Variants in ATP1A2 observed in about 807,000 individuals in gnomAD.
The protein encoded by ATP1A2 is sodium/potassium-transporting ATPase subunit alpha-2.
In ATP1A2, 56 loss-of-function variants were observed where a neutral mutation model predicts 113.1. The observed-to-expected ratio is 0.49, with a 90% confidence interval of 0.40 to 0.62. ATP1A2 has a LOEUF of 0.62. Ranked by LOEUF, ATP1A2 falls within the 20% of genes least tolerant of loss-of-function variation. ATP1A2 has a pLI of 0.00. For missense variants in ATP1A2, 712 were observed against 1,357.8 expected (o/e 0.52, Z 7.47); for synonymous variants, 490 against 526.8 (o/e 0.93, Z 0.96).
chr1:160,141,125 C>T (rs533267555), intron 22 of ATP1A2, among the ~76,000 whole-genome samples, 169 bp from the exon 23 acceptor site: 1 of 152,260 alleles, frequency 6.6e-6, no homozygotes, highest in African/African-American at 2.4e-5. Flanking sequence ...GGATTACAGG[C>T]ATGAGCCACT....
At position 160,116,078 on chromosome 1, in the gene ATP1A2, A is replaced by C. The variant is rs2854244; in HGVS notation, c.12+205A>C. Among the ~76,000 whole-genome samples, 80,762 of 151,424 alleles carry C rather than the reference A, an allele frequency of 0.53. 21,909 individuals are homozygous for C. Among genetic ancestry groups the C allele is most frequent in the Middle Eastern group, 0.67 (196 of 294 alleles). Reference sequence around the variant, plus strand: ...ACCCTAGTGCTCTCCTCTCCTCTGCACGCCCCAGCCCCCTGCCCACAGTTA... The same window carrying C: ...ACCCTAGTGCTCTCCTCTCCTCTGCCCGCCCCAGCCCCCTGCCCACAGTTA... On this transcript the variant is annotated intron_variant, in intron 1 of 22. Coordinates refer to ENST00000361216, the MANE Select transcript of ATP1A2 (RefSeq NM_000702.4).
intron 22 of ATP1A2, 93 bp from the exon 23 acceptor site, chr1:160,141,201 C>T (rs1264078235): frequency 3.3e-6 from 5 of 1,501,248 alleles, no homozygotes; most frequent in Non-Finnish European, 4.6e-6. Context: ...CTTCTCCTTC[C>T]ACCTGGCTTC....
At chr1:160,126,022 G>A (rs1651574740) in intron 7 of ATP1A2, among the ~76,000 whole-genome samples, 1 of 152,102 alleles carries the variant, frequency 6.6e-6, no homozygotes, top group Non-Finnish European at 1.5e-5. Context: ...GGCAAAGGAG[G>A]CCTCATATCC....
At chr1:160,137,161 T>G in intron 20 of ATP1A2, 130 bp downstream of exon 20, 1 of 1,458,546 alleles carries the variant, frequency 6.9e-7, no homozygotes. Context: ...ATCTTCCATC[T>G]GTATATCCAT....
chr1:160,117,294 G>A (rs1651217180), intron 1 of ATP1A2, among the ~76,000 whole-genome samples: 1 of 152,120 alleles, frequency 6.6e-6, no homozygotes, highest in Non-Finnish European at 1.5e-5. Context: ...GAAGAGGCAG[G>A]GGTTAAAGGA....
Position 160,139,643 on chromosome 1 carries a change from C to T in ATP1A2, c.2844C>T (p.Asn948=). ...ACCTCCTTTCTTTGCCTTTCAGGAA[C>T]AAGATCCTGATTTTTGGGCTCCTGG... The part of the protein sequence containing the change: ...RNSVFQQGMK[N]KILIFGLLEE... Residue 948 remains asparagine (N), a synonymous_variant, in exon 21 of 23, where the codon AAC becomes AAT. Transcript: ENST00000361216. 6.2e-7 allele frequency: 1 copy of T among 1,614,094 alleles called. No homozygotes were observed. Among genetic ancestry groups the T allele is most frequent in the South Asian group, 1.1e-5 (1 of 91,084 alleles).
chr1:160,133,808 A>G (rs1293422313), intron 13 of ATP1A2, among the ~76,000 whole-genome samples: 1 of 152,124 alleles, frequency 6.6e-6, no homozygotes, highest in Non-Finnish European at 1.5e-5. Context: ...CTTGAATCCC[A>G]TGAAATCCAA....
At chr1:160,134,228 TC>T (rs1361052003) in intron 13 of ATP1A2, among the ~76,000 whole-genome samples, 31 of 18,066 alleles carry the variant, frequency 1.7e-3, no homozygotes, top group African/African-American at 6.8e-3. Context: ...ACACACACAA[TC>T]CCCACCCACA....
chr1:160,140,922 G>A (rs1045476404), intron 22 of ATP1A2: 3 of 302,168 alleles, frequency 9.9e-6, no homozygotes, highest in Non-Finnish European at 1.9e-5. Context: ...CAGTGCAGTG[G>A]CACGATCTCG....
intron 8 of ATP1A2, among the ~76,000 whole-genome samples, chr1:160,128,122 AC>A (rs1043536748): frequency 1.1e-4 from 16 of 152,150 alleles, no homozygotes; most frequent in African/African-American, 3.4e-4. Flanking sequence ...CTCAAAGGTC[AC>A]CAGTCACTAA....
chr1:160,120,154 C>T (rs1651344957), intron 1 of ATP1A2, among the ~76,000 whole-genome samples: 1 of 152,192 alleles, frequency 6.6e-6, no homozygotes, highest in Non-Finnish European at 1.5e-5. Context: ...GGCTCAGTTC[C>T]CATGTTACCC....
At chr1:160,129,449 T>G (rs1319780223) in intron 11 of ATP1A2, 49 bp downstream of exon 11, 1 of 1,602,894 alleles carries the variant, frequency 6.2e-7, no homozygotes, top group South Asian at 1.1e-5. Context: ...TATAAATGGG[T>G]GAGGGTGGAC....
In ATP1A2 at chr1:160,128,960, T is replaced by TC. The variant is rs1651675685; in HGVS notation, c.1217-15dup. The TC allele has an allele frequency of 6.3e-7, 1 of 1,596,402 alleles. No homozygotes were observed. Among genetic ancestry groups the TC allele is most frequent in the African/African-American group, 1.3e-5 (1 of 74,508 alleles). On this transcript the variant is annotated intron_variant, in intron 9 of 22. Coordinates refer to ENST00000361216, the MANE Select transcript of ATP1A2 (RefSeq NM_000702.4). Reference sequence around the variant, plus strand: ...CTCTAAAGGGAGCCACGCTCCTGGTTCCCCCTCATTTCCTCCCAGGGGCCA... The same window carrying TC: ...CTCTAAAGGGAGCCACGCTCCTGGTTCCCCCCTCATTTCCTCCCAGGGGCCA...
chr1:160,129,410 G>A lies in ATP1A2; in HGVS notation c.1461+10G>A, dbSNP rs1651696376. The A allele has an allele frequency of 1.2e-6, 2 of 1,612,024 alleles. No individual in the cohort carries two copies. The highest frequency in any genetic ancestry group is 1.7e-5 in the Admixed American group (1 of 60,026). ...TACCAACAAGTACCAGGTCTGCTTGGGTTGCCAGGACAGAGGAAGAGAGAG... is the reference window on the plus strand; with the variant it reads ...TACCAACAAGTACCAGGTCTGCTTGAGTTGCCAGGACAGAGGAAGAGAGAG... On this transcript the variant is annotated intron_variant, in intron 11 of 22. Transcript: ENST00000361216.
rs1652121776 is a variant in ATP1A2, at chr1:160,140,823, C to T, written c.3035-471C>T. ...AACCTATGGCCCCAGCTCACTGGAC[C>T]TCCTTCTCCTCCCTTTCACCTTCTT... On this transcript the variant is annotated intron_variant, in intron 22 of 22. Coordinates refer to ENST00000361216, the MANE Select transcript of ATP1A2 (RefSeq NM_000702.4). 2.4e-5 allele frequency: 5 copies of T among 205,556 alleles called. No homozygotes were observed. The South Asian group carries it at 3.4e-4, about 14-fold the overall frequency. 12.7% of individuals were successfully genotyped at this position (205,556 alleles called of 1,614,324 possible).
In ATP1A2 at chr1:160,130,585, C is replaced by A; in HGVS notation, c.1815C>A (p.Ser605Arg). ...AVPDAVGKCR[S>R]AGIKVIMVTG... The stretch of plus-strand genomic sequence containing the variant: ...CAGATGCTGTGGGCAAGTGCCGAAG[C>A]GCAGGCATCAAGGTACTGGCCTCCC... The change falls in exon 13 of 23, where the codon AGC becomes AGA. Residue 605 changes from serine (S) to arginine (R), a missense_variant. Physicochemically the swap from Ser to Arg is moderately radical, Grantham distance 110. Transcript: ENST00000361216. 1 of 1,614,176 alleles carries A rather than the reference C, an allele frequency of 6.2e-7. No homozygotes were observed. Among genetic ancestry groups the A allele is most frequent in the Non-Finnish European group, 8.5e-7 (1 of 1,180,022 alleles).
At chr1:160,136,157 C>T (rs1490071282) in intron 17 of ATP1A2, 90 bp from the exon 18 acceptor site, 2 of 1,603,462 alleles carry the variant, frequency 1.2e-6, no homozygotes, top group Non-Finnish European at 1.7e-6. Context: ...TTAACTGTGT[C>T]AACGATCGTC....
intron 1 of ATP1A2, among the ~76,000 whole-genome samples, 153 bp downstream of exon 1, chr1:160,116,026 T>A (rs1651166119): frequency 6.6e-6 from 1 of 152,112 alleles, no homozygotes; most frequent in Admixed American, 6.5e-5. Context: ...ACTACCAATG[T>A]GTGTACAGAT....
rs146839867 is a variant in ATP1A2 at position 160,136,942 on chromosome 1, G to A, written c.2751G>A (p.Thr917=). Residue 917 remains threonine, a synonymous_variant, in exon 20 of 23, where the codon ACG becomes ACA. Transcript: ENST00000361216. ...AGGTGGTGGAGTTCACGTGCCACACGGCATTCTTTGCCAGCATCGTGGTGG... is the reference window on the plus strand; with the variant it reads ...AGGTGGTGGAGTTCACGTGCCACACAGCATTCTTTGCCAGCATCGTGGTGG... The part of the protein sequence containing the change: ...QRKVVEFTCH[T]AFFASIVVVQ... The A allele has an allele frequency of 1.3e-3, 2,159 of 1,614,136 alleles. 4 individuals are homozygous for A. The highest frequency in any genetic ancestry group is 1.7e-3 in the Non-Finnish European group (1,977 of 1,180,024).
Sources: gnomAD v4.1 joint callset for allele counts (sites outside exome capture counted in the v4.1 genomes callset) on GRCh38, gnomAD v4.1.1 for gene constraint, MANE v1.5 for transcripts, NCBI Gene and HGNC (gene_info 2026-07-23, HGNC 2026-07-21) for gene names.